The following DGKH variants were observed in gnomAD, a reference collection of about 807,000 sequenced individuals.
DGKH encodes DAG kinase eta.
DGKH carries 90 observed loss-of-function variants against 159.3 expected under a neutral mutation model. The ratio of observed to expected loss-of-function variants is 0.57; its 90% CI spans 0.48 to 0.67. DGKH has a LOEUF of 0.67. Among genes scored for constraint, DGKH ranks in the 30% least tolerant of loss-of-function variants. The pLI is 0.00. For synonymous variants in DGKH, 536 were observed against 553.8 expected (o/e 0.97, Z 0.45); for missense variants, 1,181 against 1,506.1 (o/e 0.78, Z 3.57).
At chr13:42,042,099 G>A (rs1028672853) in intron 1 of DGKH, among the ~76,000 whole-genome samples, 8 of 152,192 alleles carry the variant, frequency 5.3e-5, no homozygotes, top group Admixed American at 5.2e-4. Context: ...AGCTGTCTTT[G>A]CTTTCGTGAA....
At chr13:42,041,586 A>G (rs1880509187) in intron 1 of DGKH, among the ~76,000 whole-genome samples, 1 of 152,192 alleles carries the variant, frequency 6.6e-6, no homozygotes, top group Non-Finnish European at 1.5e-5. Flanking sequence ...AAGGAGGAAG[A>G]GACCAGGGGG....
At chr13:42,219,096 A>C (rs1957893550) in intron 26 of DGKH, 134 bp from the exon 27 acceptor site, 3 of 1,113,294 alleles carry the variant, frequency 2.7e-6, no homozygotes, top group Non-Finnish European at 3.7e-6. Flanking sequence ...TTCTTCTCTT[A>C]ATATTCCTTA....
rs114518653 is a variant in DGKH at position 42,117,434 on chromosome 13, A to G, written c.193-10029A>G. On this transcript the variant is annotated intron_variant, in intron 1 of 29. Transcript: ENST00000337343. ...TTGGTTATGCTTGTTCTTTTATGAG[A>G]AGCGTCTGTTTAGCCGTACATAAAC... Among the ~76,000 whole-genome samples the G allele has an allele frequency of 2.5e-3, 382 of 152,308 alleles. 3 individuals carry two copies. Among genetic ancestry groups the G allele is most frequent in the African/African-American group, 8.9e-3 (370 of 41,558 alleles).
intron 1 of DGKH, among the ~76,000 whole-genome samples, chr13:42,077,982 AAAG>A (rs1194981208): frequency 6.6e-6 from 1 of 152,240 alleles, no homozygotes; most frequent in Non-Finnish European, 1.5e-5. Context: ...GGAAAAGTAA[AAAG>A]AAGATAATAG....
intron 1 of DGKH, among the ~76,000 whole-genome samples, chr13:42,041,384 C>T (rs1306405973): frequency 1.3e-5 from 2 of 152,140 alleles, no homozygotes; most frequent in Admixed American, 1.3e-4. Flanking sequence ...CGGCGCGGAG[C>T]CCAGAACCAC....
chr13:42,201,897 A>G (rs1957356254), intron 20 of DGKH, among the ~76,000 whole-genome samples: 1 of 152,212 alleles, frequency 6.6e-6, no homozygotes, highest in Non-Finnish European at 1.5e-5. Context: ...TCTATAACGT[A>G]ATATAAAAAT....
Position 42,070,458 on chromosome 13 carries a change from TGGC to T in DGKH, c.192+21494_192+21496del. On this transcript the variant is annotated intron_variant, in intron 1 of 29. Coordinates refer to ENST00000337343, the MANE Select transcript of DGKH (RefSeq NM_178009.5). ...ATGCAGCCTGCAGCCCACATGTCAA[TGGC>T]TTTAGTATAATTATTAGGAGAAAGT... The T allele has an allele frequency of 7.7e-6, 10 of 1,292,660 alleles. No individual in the cohort carries two copies. In the South Asian group the frequency reaches 1.2e-4, roughly 15 times the overall value. 80.1% of individuals were successfully genotyped at this position (1,292,660 alleles called of 1,614,324 possible). A position where few individuals can be genotyped will look rare whatever the true frequency, so the allele number is the denominator to read the frequency against.
intron 1 of DGKH, among the ~76,000 whole-genome samples, chr13:42,097,795 G>A (rs77373330): frequency 0.12 from 18,696 of 152,158 alleles, 1,531 homozygotes; most frequent in Admixed American, 0.21. Flanking sequence ...GGTGCAGGGG[G>A]TGTGTAAGGG....
chr13:42,118,470 C>T (rs760649441), intron 1 of DGKH, among the ~76,000 whole-genome samples: 3 of 152,196 alleles, frequency 2.0e-5, no homozygotes, highest in Non-Finnish European at 4.4e-5. Flanking sequence ...AGGTTGCTGT[C>T]TTTGCCCTCT....
At chr13:42,088,117 G>C (rs925410582) in intron 1 of DGKH, among the ~76,000 whole-genome samples, 2 of 152,114 alleles carry the variant, frequency 1.3e-5, no homozygotes, top group Non-Finnish European at 2.9e-5. Context: ...TAGAGCGACA[G>C]TTTTAAATGG....
Position 42,256,038 on chromosome 13 carries a change from G to A in DGKH, n.4128-246G>A, listed in dbSNP as rs1462853620. ...ATAGCAAATAATATTCGTTTTCTGGGTTCTGGCCCTTGGTCAGGTCTGGGA... is the reference window on the plus strand; with the variant it reads ...ATAGCAAATAATATTCGTTTTCTGGATTCTGGCCCTTGGTCAGGTCTGGGA... On this transcript the variant is annotated intron_variant and non_coding_transcript_variant, in intron 30 of 30. Coordinates refer to the DGKH transcript ENST00000498255. The A allele has an allele frequency of 6.7e-6, 10 of 1,489,004 alleles. No individual in the cohort carries two copies. The South Asian group carries it at 1.0e-4, about 15-fold the overall frequency. The allele number at this position is 1,489,004 out of a possible 1,614,324, so 92.2% of individuals were successfully genotyped here. A position where few individuals can be genotyped will look rare whatever the true frequency, so the allele number is the denominator to read the frequency against.
At chr13:42,049,222 G>A (rs1254632964) in intron 1 of DGKH, among the ~76,000 whole-genome samples, 1 of 151,308 alleles carries the variant, frequency 6.6e-6, no homozygotes, top group Non-Finnish European at 1.5e-5. Flanking sequence ...CTGGACCGCG[G>A]TGCTGCGGGA....
At chr13:42,192,627 TTTC>T (rs140648748) in intron 16 of DGKH, among the ~76,000 whole-genome samples, 1 of 150,454 alleles carries the variant, frequency 6.6e-6, no homozygotes, top group Non-Finnish European at 1.5e-5. Flanking sequence ...TTCTTTCTTC[TTTC>T]TTCTTCTTCT....
intron 22 of DGKH, 52 bp from the exon 23 acceptor site, chr13:42,209,279 G>C (rs1195408983): frequency 8.9e-6 from 14 of 1,576,258 alleles, no homozygotes. Flanking sequence ...TAAAGATTGA[G>C]TGTCATTTTC....
rs533971741 is a variant in DGKH, at chr13:42,159,750, C to T, written c.730-261C>T. ...CACCATGCATATGGATTTCTGGGAA[C>T]GCTTAGTGATCACTTTATTGTAATC... On this transcript the variant is annotated intron_variant, in intron 6 of 29. Transcript: ENST00000337343. Among the ~76,000 whole-genome samples the T allele has an allele frequency of 1.1e-4, 17 of 152,292 alleles. No individual in the cohort carries two copies. In the East Asian group the frequency reaches 1.7e-3, roughly 16 times the overall value.
intron 20 of DGKH, among the ~76,000 whole-genome samples, chr13:42,203,362 T>C (rs536329760): frequency 1.3e-5 from 2 of 152,346 alleles, no homozygotes; most frequent in East Asian, 3.9e-4. Context: ...AGACAATTTG[T>C]AATTATAACT....
rs950328012 is a variant in DGKH at position 42,236,613 on chromosome 13, A to G, written c.*7425A>G. The G allele has an allele frequency of 4.6e-5, 7 of 152,170 alleles. No homozygotes were observed. The highest frequency in any genetic ancestry group is 1.7e-4 in the African/African-American group (7 of 41,432). 9.4% of individuals were successfully genotyped at this position (152,170 alleles called of 1,614,324 possible). A position where few individuals can be genotyped will look rare whatever the true frequency, so the allele number is the denominator to read the frequency against. On this transcript the variant is annotated 3_prime_UTR_variant, in exon 30 of 30. Coordinates refer to ENST00000337343, the MANE Select transcript of DGKH (RefSeq NM_178009.5). Reference sequence around the variant, plus strand: ...TCAGTGATTGTACTGCCAATATGACATTCAAATGAACATTAGGAATCTTGA... The same window carrying G: ...TCAGTGATTGTACTGCCAATATGACGTTCAAATGAACATTAGGAATCTTGA...
chr13:42,069,527 G>A lies in DGKH; in HGVS notation c.192+20562G>A, dbSNP rs148650424. The stretch of plus-strand genomic sequence containing the variant: ...ATAAAGGAATGAAAATCAAATCCCT[G>A]ATTCTTTTCCCTTTCTTTTCCAGCC... On this transcript the variant is annotated intron_variant, in intron 1 of 29. Transcript: ENST00000337343. 4 of 1,595,900 alleles carry A rather than the reference G, an allele frequency of 2.5e-6. No individual in the cohort carries two copies. The African/African-American group carries it at 5.4e-5, about 21-fold the overall frequency.
intron 29 of DGKH, among the ~76,000 whole-genome samples, chr13:42,223,158 C>T (rs1327338263): frequency 6.6e-6 from 1 of 152,136 alleles, no homozygotes. Context: ...TCTTCTGTAG[C>T]ACAAAATCAT....
Sources: allele counts gnomAD v4.1 joint callset (sites outside exome capture counted in the v4.1 genomes callset), GRCh38; gene constraint gnomAD v4.1.1; transcripts MANE v1.5; gene names NCBI Gene and HGNC (gene_info 2026-07-23, HGNC 2026-07-21).